The following SNTG1 variants were observed in gnomAD, a reference collection of about 807,000 sequenced individuals.
The protein encoded by SNTG1 is gamma-1-syntrophin.
In SNTG1, 39 loss-of-function variants were observed where a neutral mutation model predicts 74.7. That is an observed-to-expected ratio of 0.52 (90% CI 0.40 to 0.68). SNTG1 has a LOEUF of 0.68. SNTG1 is among the 30% of genes least tolerant of loss of function. The pLI is 0.00. For synonymous variants in SNTG1, 254 were observed against 217.1 expected (o/e 1.17, Z -1.49); for missense variants, 685 against 609.5 (o/e 1.12, Z -1.30).
In SNTG1 at chr8:50,449,653, AT is replaced by A. The variant is rs761585904; in HGVS notation, c.220-11del. ...TTTAGATTAAAAAGTACAATATATG[AT>A]TTTCTCTTTTCAGGGAGGAGCAGAA... On this transcript the variant is annotated splice_polypyrimidine_tract_variant and intron_variant, in intron 5 of 18. Coordinates refer to ENST00000642720, the MANE Select transcript of SNTG1 (RefSeq NM_018967.5). 1.9e-6 allele frequency: 3 copies of A among 1,578,404 alleles called. No individual in the cohort carries two copies. The highest frequency in any genetic ancestry group is 2.7e-5 in the African/African-American group (2 of 73,658).
intron 1 of SNTG1, among the ~76,000 whole-genome samples, chr8:49,979,511 C>T (rs1363507309): frequency 6.6e-6 from 1 of 152,182 alleles, no homozygotes; most frequent in African/African-American, 2.4e-5. Flanking sequence ...TTGCACTTCC[C>T]CCCGATCCTC....
At chr8:50,660,622 A>G (rs374755983) in intron 15 of SNTG1, among the ~76,000 whole-genome samples, 1 of 152,100 alleles carries the variant, frequency 6.6e-6, no homozygotes, top group Non-Finnish European at 1.5e-5. Flanking sequence ...ATAACGCAAC[A>G]CATATTTATA....
At chr8:50,601,152 CAAAAAAAAAAAAAAA>C (rs71235311) in intron 13 of SNTG1, among the ~76,000 whole-genome samples, 17 of 31,446 alleles carry the variant, frequency 5.4e-4, no homozygotes, top group South Asian at 4.3e-3. Flanking sequence ...GCCAGCGAGA[CAAAAAAAAAAAAAAA>C]AAAAAAAAAA....
intron 1 of SNTG1, among the ~76,000 whole-genome samples, chr8:49,928,976 A>G (rs1807303980): frequency 6.6e-6 from 1 of 152,074 alleles, no homozygotes; most frequent in Admixed American, 6.5e-5. Context: ...ACAAGAGGCT[A>G]TAATTAATAT....
chr8:50,333,628 T>C (rs1443402097), intron 2 of SNTG1, among the ~76,000 whole-genome samples: 2 of 152,204 alleles, frequency 1.3e-5, no homozygotes, highest in Non-Finnish European at 2.9e-5. Flanking sequence ...ACAAATATAT[T>C]TCTTGTTGAG....
intron 8 of SNTG1, among the ~76,000 whole-genome samples, chr8:50,497,229 C>G (rs1243560103): frequency 6.6e-6 from 1 of 151,832 alleles, no homozygotes; most frequent in African/African-American, 2.4e-5. Flanking sequence ...AAAAGTAAAG[C>G]AACTGCCCAG....
chr8:50,509,159 A>C (rs2094039865), intron 9 of SNTG1, among the ~76,000 whole-genome samples: 2 of 152,148 alleles, frequency 1.3e-5, no homozygotes, highest in Admixed American at 6.5e-5. Context: ...TTCTCCCAGC[A>C]CCATTTATTA....
intron 2 of SNTG1, among the ~76,000 whole-genome samples, chr8:50,245,869 G>A (rs1005674026): frequency 6.6e-6 from 1 of 151,954 alleles, no homozygotes; most frequent in Non-Finnish European, 1.5e-5. Flanking sequence ...GTGATAGAAC[G>A]TGTAAGTACA....
chr8:50,772,029 C>A (rs912069426), intron 18 of SNTG1, among the ~76,000 whole-genome samples: 2 of 152,136 alleles, frequency 1.3e-5, no homozygotes, highest in African/African-American at 2.4e-5. Flanking sequence ...AAAGCCACCA[C>A]AGAGAACCTC....
intron 17 of SNTG1, among the ~76,000 whole-genome samples, chr8:50,722,300 G>A (rs113667223): frequency 0.022 from 3,281 of 151,812 alleles, 102 homozygotes; most frequent in African/African-American, 0.071. Flanking sequence ...TCAGCCTCCC[G>A]AGTAGCTGGG....
intron 1 of SNTG1, among the ~76,000 whole-genome samples, chr8:49,932,468 A>G (rs1807680370): frequency 1.3e-5 from 2 of 152,062 alleles, no homozygotes; most frequent in Admixed American, 1.3e-4. Context: ...TGAATAATAT[A>G]TAACTTTCAT....
intron 5 of SNTG1, among the ~76,000 whole-genome samples, chr8:50,448,354 T>C (rs2093424823): frequency 1.3e-5 from 2 of 152,140 alleles, no homozygotes; most frequent in Non-Finnish European, 2.9e-5. Flanking sequence ...AAAAAACTAT[T>C]GACTATTTTA....
chr8:49,922,074 GC>G (rs1806594884), intron 1 of SNTG1, among the ~76,000 whole-genome samples: 1 of 152,080 alleles, frequency 6.6e-6, no homozygotes, highest in South Asian at 2.1e-4. Context: ...CATGAAGAAT[GC>G]ATACAAGGGG....
At chr8:50,450,042 A>C (rs1264417192) in intron 6 of SNTG1, among the ~76,000 whole-genome samples, 1 of 152,264 alleles carries the variant, frequency 6.6e-6, no homozygotes, top group Non-Finnish European at 1.5e-5. Context: ...AGTCCCATCA[A>C]GTAAAGACAA....
At chr8:50,197,571 T>G (rs542537828) in intron 2 of SNTG1, among the ~76,000 whole-genome samples, 2 of 152,320 alleles carry the variant, frequency 1.3e-5, no homozygotes, top group South Asian at 4.1e-4. Context: ...TTCCCTTGTG[T>G]GAGAATATCT....
At chr8:49,957,212 G>A (rs1810258991) in intron 1 of SNTG1, among the ~76,000 whole-genome samples, 1 of 152,138 alleles carries the variant, frequency 6.6e-6, no homozygotes, top group Non-Finnish European at 1.5e-5. Flanking sequence ...AACTGTATGG[G>A]TCTTGTCTCA....
intron 2 of SNTG1, among the ~76,000 whole-genome samples, chr8:50,175,426 T>C (rs1327965201): frequency 6.6e-6 from 1 of 152,184 alleles, no homozygotes; most frequent in Non-Finnish European, 1.5e-5. Context: ...TTCTCAATCC[T>C]TAATTTGGAA....
chr8:49,929,901 A>G (rs1403864370), intron 1 of SNTG1, among the ~76,000 whole-genome samples: 1 of 120,474 alleles, frequency 8.3e-6, no homozygotes, highest in Non-Finnish European at 1.6e-5. Flanking sequence ...AGAGGGTGAT[A>G]TTCCCCTTCC....
intron 2 of SNTG1, among the ~76,000 whole-genome samples, chr8:50,318,184 C>T (rs1328222104): frequency 6.6e-6 from 1 of 152,034 alleles, no homozygotes. Flanking sequence ...GCTCCCTGGA[C>T]TTGAGAGTAG....
Sources: gnomAD v4.1 joint callset for allele counts (sites outside exome capture counted in the v4.1 genomes callset) on GRCh38, gnomAD v4.1.1 for gene constraint, MANE v1.5 for transcripts, NCBI Gene and HGNC (gene_info 2026-07-23, HGNC 2026-07-21) for gene names.